GRHL1: variants seen among roughly 807,000 people sequenced by gnomAD.
The protein encoded by GRHL1 is grainyhead like transcription factor 1.
A neutral mutation model predicts 75.7 loss-of-function variants in GRHL1; 38 were observed. The ratio of observed to expected loss-of-function variants is 0.50; its 90% CI spans 0.39 to 0.66. GRHL1 has a LOEUF of 0.66. GRHL1 is among the 30% of genes least tolerant of loss of function. GRHL1 has a pLI of 0.00. For missense variants in GRHL1, 589 were observed against 767.5 expected (o/e 0.77, Z 2.75); for synonymous variants, 266 against 279.4 (o/e 0.95, Z 0.48).
intron 12 of GRHL1, 110 bp downstream of exon 12, chr2:9,993,354 G>A: frequency 1.1e-6 from 1 of 870,254 alleles, no homozygotes; most frequent in South Asian, 1.4e-5. Context: ...AGCCATCAAG[G>A]ATAAGTTGCC....
chr2:9,958,954 G>A, intron 3 of GRHL1, 98 bp downstream of exon 3: 1 of 1,514,234 alleles, frequency 6.6e-7, no homozygotes. Context: ...AACCACTAGT[G>A]AAAGAGATAG....
At chr2:9,972,033 G>A (rs572096134) in intron 8 of GRHL1, among the ~76,000 whole-genome samples, 7 of 152,224 alleles carry the variant, frequency 4.6e-5, no homozygotes, top group East Asian at 1.9e-4. Flanking sequence ...CGCGCAGGCC[G>A]GAGGGTAAGG....
chr2:9,989,092 G>A (rs942029165), intron 9 of GRHL1, among the ~76,000 whole-genome samples: 1 of 152,148 alleles, frequency 6.6e-6, no homozygotes, highest in Admixed American at 6.5e-5. Context: ...GGGAGGGACT[G>A]TTGTGTCAAT....
Position 9,992,243 on chromosome 2 carries a change from A to G in GRHL1, c.1461+97A>G, listed in dbSNP as rs1668676336. 1 of 1,164,870 alleles carries G rather than the reference A, an allele frequency of 8.6e-7. No individual in the cohort carries two copies. The highest frequency in any genetic ancestry group is 2.4e-5 in the East Asian group (1 of 42,314). The allele number at this position is 1,164,870 out of a possible 1,614,324, so 72.2% of individuals were successfully genotyped here. On this transcript the variant is annotated intron_variant, in intron 11 of 15. Coordinates refer to ENST00000324907, the MANE Select transcript of GRHL1 (RefSeq NM_198182.3). The surrounding 1 kb of genome is among the most constrained non-coding windows in gnomAD (Gnocchi z 4.6). ...TCATGGGAAACAGAAGCCAAAATTG[A>G]GTGAGGTTTGACCAGTTAGTCAGCT... is the stretch of plus-strand genomic sequence containing the variant.
chr2:9,958,573 G>A (rs1667138108), intron 2 of GRHL1, among the ~76,000 whole-genome samples: 2 of 152,074 alleles, frequency 1.3e-5, no homozygotes, highest in Non-Finnish European at 2.9e-5. Flanking sequence ...CTCAATAACA[G>A]TTGCTTTTTA....
rs1288946589 is a variant in GRHL1 at position 9,982,574 on chromosome 2, T to C, written c.1111-3550T>C. Among the ~76,000 whole-genome samples the C allele has an allele frequency of 2.6e-5, 4 of 152,194 alleles. No homozygotes were observed. The East Asian group carries it at 7.7e-4, about 29-fold the overall frequency. On this transcript the variant is annotated intron_variant, in intron 8 of 15. Transcript: ENST00000324907. Reference sequence around the variant, plus strand: ...CAGGATTCTGAAACTTTAGTGTGCATAGAATTAGCTGGAGAGCTTGTTAAC... The same window carrying C: ...CAGGATTCTGAAACTTTAGTGTGCACAGAATTAGCTGGAGAGCTTGTTAAC...
intron 3 of GRHL1, 178 bp downstream of exon 3, chr2:9,959,034 T>G: frequency 1.9e-6 from 2 of 1,026,154 alleles, no homozygotes; most frequent in Non-Finnish European, 2.6e-6. Flanking sequence ...TGAAATTTCC[T>G]TTTTTCTTTG....
chr2:9,993,196 T>C lies in GRHL1; in HGVS notation c.1462-11T>C, dbSNP rs748975837. 38 of 1,595,228 alleles carry C rather than the reference T, an allele frequency of 2.4e-5. No individual in the cohort carries two copies. Among genetic ancestry groups the C allele is most frequent in the Non-Finnish European group, 3.0e-5 (35 of 1,162,750 alleles). ...ATACATTTGAAAAGCAATCTATTCC[T>C]TTGGTCTTAGGTCCTTCCCATTGCC... On this transcript the variant is annotated splice_polypyrimidine_tract_variant and intron_variant, in intron 11 of 15. Transcript: ENST00000324907.
intron 8 of GRHL1, among the ~76,000 whole-genome samples, chr2:9,981,121 C>T (rs1668179526): frequency 6.6e-6 from 1 of 152,232 alleles, no homozygotes; most frequent in African/African-American, 2.4e-5. Context: ...TGTGTTTCTA[C>T]ACTCGCCATA....
intron 14 of GRHL1, among the ~76,000 whole-genome samples, chr2:9,997,542 C>G (rs991895876): frequency 2.0e-5 from 3 of 152,212 alleles, no homozygotes; most frequent in Middle Eastern, 6.8e-3. Context: ...TGCAAACTGG[C>G]CAGGTGCGGT....
intron 2 of GRHL1, among the ~76,000 whole-genome samples, chr2:9,958,281 ATCT>A (rs1667121768): frequency 6.7e-6 from 1 of 149,988 alleles, no homozygotes; most frequent in East Asian, 2.0e-4. Context: ...GGCTGAAGCG[ATCT>A]TCTCACCGCA....
In GRHL1 at chr2:9,959,968, A is replaced by G. The variant is rs570383814; in HGVS notation, c.279-1078A>G. The G allele has an allele frequency of 6.2e-4, 95 of 152,234 alleles. 1 individual carries two copies. The highest frequency in any genetic ancestry group is 2.1e-3 in the African/African-American group (88 of 41,536). The allele number at this position is 152,234 out of a possible 1,614,324, so 9.4% of individuals were successfully genotyped here. A position where few individuals can be genotyped will look rare whatever the true frequency, so the allele number is the denominator to read the frequency against. On this transcript the variant is annotated intron_variant, in intron 3 of 15. Transcript: ENST00000324907. ...GATCTTGAAATGTACAGAATTCTCA[A>G]TTTGCCTGTTTCTTGAAGCTTCAGC... is the stretch of plus-strand genomic sequence containing the variant.
intron 2 of GRHL1, among the ~76,000 whole-genome samples, chr2:9,958,554 A>G (rs1667136581): frequency 6.6e-6 from 1 of 151,946 alleles, no homozygotes; most frequent in Non-Finnish European, 1.5e-5. Flanking sequence ...CCCTGAGTTT[A>G]TTTGGCAACT....
chr2:9,979,432 T>A (rs1320934489), intron 8 of GRHL1, among the ~76,000 whole-genome samples: 2 of 151,968 alleles, frequency 1.3e-5, no homozygotes, highest in African/African-American at 4.8e-5. Flanking sequence ...AGAGACAGGG[T>A]CTCGCTATGT....
chr2:9,991,351 T>C (rs1358575143), intron 10 of GRHL1, among the ~76,000 whole-genome samples: 4 of 152,192 alleles, frequency 2.6e-5, no homozygotes, highest in African/African-American at 9.7e-5. Flanking sequence ...GGCAGCTCTT[T>C]TGAATGGTCT....
chr2:9,976,067 A>G (rs1397971949), intron 8 of GRHL1, among the ~76,000 whole-genome samples: 1 of 152,134 alleles, frequency 6.6e-6, no homozygotes, highest in African/African-American at 2.4e-5. Context: ...AGCAGCATGT[A>G]GTTTTATTTG....
chr2:9,955,348 C>G (rs1287691615), intron 2 of GRHL1, among the ~76,000 whole-genome samples: 1 of 152,108 alleles, frequency 6.6e-6, no homozygotes, highest in Non-Finnish European at 1.5e-5. Flanking sequence ...GTGAAGCTAC[C>G]GTAAAAGAAG....
At chr2:9,952,314 C>T (rs1165150495) in intron 1 of GRHL1, among the ~76,000 whole-genome samples, 3 of 152,194 alleles carry the variant, frequency 2.0e-5, no homozygotes, top group Non-Finnish European at 4.4e-5. Context: ...TGGTCTCAGG[C>T]TCGTCACTCG....
intron 12 of GRHL1, among the ~76,000 whole-genome samples, chr2:9,995,586 C>CAAA (rs368168163): frequency 4.6e-5 from 5 of 107,920 alleles, no homozygotes; most frequent in Admixed American, 9.0e-5. Context: ...CCCTGTCTCA[C>CAAA]AAAAAAAAAA....
Sources: gnomAD v4.1 joint callset for allele counts (sites outside exome capture counted in the v4.1 genomes callset) on GRCh38, gnomAD v4.1.1 for gene constraint, Gnocchi (gnomAD v3.1) non-coding constraint, MANE v1.5 for transcripts, NCBI Gene and HGNC (gene_info 2026-07-23, HGNC 2026-07-21) for gene names.